The following KIF5C variants were observed in gnomAD, a reference collection of about 807,000 sequenced individuals.
KIF5C encodes kinesin heavy chain isoform 5C.
In KIF5C, 18 loss-of-function variants were observed where a neutral mutation model predicts 125.2. That is an observed-to-expected ratio of 0.14 (90% CI 0.10 to 0.21). The LOEUF (loss-of-function observed/expected upper bound fraction) is 0.21, where lower values mean the gene tolerates loss of function less well. Ranked by LOEUF, KIF5C falls within the 10% of genes least tolerant of loss-of-function variation. The pLI, the probability that KIF5C is intolerant of heterozygous loss-of-function variation, is 1.00. For synonymous variants in KIF5C, 405 were observed against 434.0 expected (o/e 0.93, Z 0.83); for missense variants, 780 against 1,183.8 (o/e 0.66, Z 5.01).
chr2:149,002,309 C>G (rs911818430), intron 21 of KIF5C, among the ~76,000 whole-genome samples: 13 of 152,200 alleles, frequency 8.5e-5, no homozygotes, highest in African/African-American at 2.9e-4. Flanking sequence ...CATCCACGCT[C>G]TCTTTCAGTC....
At chr2:148,900,551 G>T (rs553213483) in intron 1 of KIF5C, among the ~76,000 whole-genome samples, 2 of 152,060 alleles carry the variant, frequency 1.3e-5, no homozygotes, top group Non-Finnish European at 2.9e-5. Context: ...CACTACCCTC[G>T]TTTGCCTCTT....
intron 12 of KIF5C, among the ~76,000 whole-genome samples, chr2:148,974,528 G>A (rs537911199): frequency 1.3e-5 from 2 of 152,002 alleles, no homozygotes; most frequent in Non-Finnish European, 2.9e-5. Context: ...TTTATTCTGG[G>A]GTCATCCTAC....
chr2:148,973,203 T>A (rs1317676907), intron 11 of KIF5C, 133 bp from the exon 12 acceptor site: 4 of 1,289,368 alleles, frequency 3.1e-6, no homozygotes, highest in Non-Finnish European at 4.1e-6. Context: ...GAACACAAAC[T>A]CTACCCACAC....
intron 2 of KIF5C, among the ~76,000 whole-genome samples, chr2:148,925,827 C>G (rs1681970937): frequency 6.6e-6 from 1 of 152,196 alleles, no homozygotes. Flanking sequence ...TTGTGATGGC[C>G]CTGGTGGCCT....
intron 1 of KIF5C, among the ~76,000 whole-genome samples, chr2:148,887,387 A>G (rs1681567839): frequency 6.6e-6 from 1 of 151,594 alleles, no homozygotes; most frequent in Admixed American, 6.6e-5. Context: ...CCTTTATTTC[A>G]GTTTCACTTT....
At chr2:148,952,839 T>G (rs189607716) in intron 10 of KIF5C, among the ~76,000 whole-genome samples, 4 of 152,328 alleles carry the variant, frequency 2.6e-5, no homozygotes, top group Admixed American at 2.0e-4. Context: ...TATCGGTGAT[T>G]GCAAGTTCTG....
chr2:148,995,026 A>G (rs923949220), intron 17 of KIF5C, among the ~76,000 whole-genome samples: 1 of 151,914 alleles, frequency 6.6e-6, no homozygotes, highest in Admixed American at 6.6e-5. Context: ...CCATCCCCAC[A>G]CTGAATCTGC....
At chr2:148,887,626 T>C (rs767183571) in intron 1 of KIF5C, among the ~76,000 whole-genome samples, 2 of 152,142 alleles carry the variant, frequency 1.3e-5, no homozygotes, top group African/African-American at 2.4e-5. Flanking sequence ...AGAGGGACAA[T>C]TTGATTCTTA....
chr2:148,897,421 C>T (rs1326335540), intron 1 of KIF5C, among the ~76,000 whole-genome samples: 4 of 152,132 alleles, frequency 2.6e-5, no homozygotes, highest in Non-Finnish European at 5.9e-5. Context: ...GGCTGAAGGA[C>T]ATCAAAATCT....
chr2:149,022,632 T>C (rs185846662), intron 25 of KIF5C, among the ~76,000 whole-genome samples: 1 of 152,300 alleles, frequency 6.6e-6, no homozygotes, highest in Non-Finnish European at 1.5e-5. Flanking sequence ...TAAAATTAAA[T>C]ATGTGGCTTG....
At position 148,876,143 on chromosome 2, in the gene KIF5C, T is replaced by C. The variant is rs2105029291; in HGVS notation, c.126+400T>C. Among the ~76,000 whole-genome samples the C allele has an allele frequency of 6.6e-6, 1 of 152,332 alleles. No individual in the cohort carries two copies. Among genetic ancestry groups the C allele is most frequent in the Non-Finnish European group, 1.5e-5 (1 of 68,018 alleles). On this transcript the variant is annotated intron_variant, in intron 1 of 25. Transcript: ENST00000435030. This position sits in a 1 kb window ranked among gnomAD's most constrained non-coding sequence, Gnocchi z 4.7. Reference sequence around the variant, plus strand: ...GAGCTCTGCAACCCGCAAATGCTTCTGGGCATCAATCAATTCGATTTACCA... The same window carrying C: ...GAGCTCTGCAACCCGCAAATGCTTCCGGGCATCAATCAATTCGATTTACCA...
chr2:148,984,659 A>T (rs1281374536), intron 15 of KIF5C, among the ~76,000 whole-genome samples: 1 of 152,218 alleles, frequency 6.6e-6, no homozygotes, highest in Non-Finnish European at 1.5e-5. Context: ...TTCATTGGCC[A>T]GAACTGGATC....
At chr2:148,878,392 T>C (rs958764812) in intron 1 of KIF5C, 1 of 152,248 alleles carries the variant, frequency 6.6e-6, no homozygotes, top group African/African-American at 2.4e-5. Flanking sequence ...GTCAAATTCA[T>C]CCTCATTGTT....
At chr2:148,946,155 C>T (rs747327380) in intron 7 of KIF5C, among the ~76,000 whole-genome samples, 1 of 152,012 alleles carries the variant, frequency 6.6e-6, no homozygotes, top group African/African-American at 2.4e-5. Flanking sequence ...GATTTTGTAT[C>T]CTACAGCTTT....
intron 11 of KIF5C, among the ~76,000 whole-genome samples, chr2:148,964,020 T>A (rs758606391): frequency 3.9e-5 from 6 of 152,066 alleles, no homozygotes; most frequent in Non-Finnish European, 8.8e-5. Flanking sequence ...TGTACTGTTT[T>A]CTCCCAGCTC....
At chr2:148,960,951 G>A (rs1361822529) in intron 10 of KIF5C, among the ~76,000 whole-genome samples, 1 of 152,176 alleles carries the variant, frequency 6.6e-6, no homozygotes, top group African/African-American at 2.4e-5. Flanking sequence ...TTAGGTGTTC[G>A]TTTCTGTGCA....
chr2:148,953,497 C>T (rs141584628), intron 10 of KIF5C, among the ~76,000 whole-genome samples: 305 of 152,286 alleles, frequency 2.0e-3, no homozygotes, highest in African/African-American at 7.0e-3. Flanking sequence ...ATACAGCAGA[C>T]ACAAGACTGA....
chr2:148,940,509 G>A (rs1461548526), intron 4 of KIF5C, among the ~76,000 whole-genome samples: 1 of 152,202 alleles, frequency 6.6e-6, no homozygotes, highest in Non-Finnish European at 1.5e-5. Flanking sequence ...GATCAGGGCT[G>A]AGTCAGAGCT....
At chr2:148,964,020 T>C (rs758606391) in intron 11 of KIF5C, among the ~76,000 whole-genome samples, 1 of 152,066 alleles carries the variant, frequency 6.6e-6, no homozygotes, top group Non-Finnish European at 1.5e-5. Context: ...TGTACTGTTT[T>C]CTCCCAGCTC....
Sources: allele counts gnomAD v4.1 joint callset (sites outside exome capture counted in the v4.1 genomes callset), GRCh38; gene constraint gnomAD v4.1.1; non-coding constraint Gnocchi (gnomAD v3.1); transcripts MANE v1.5; gene names NCBI Gene and HGNC (gene_info 2026-07-23, HGNC 2026-07-21).